The following CCDC91 variants were observed in gnomAD, a reference collection of about 807,000 sequenced individuals.
CCDC91 encodes coiled-coil domain-containing protein 91.
In CCDC91, 48 loss-of-function variants were observed where a neutral mutation model predicts 63.2. That is an observed-to-expected ratio of 0.76 (90% CI 0.60 to 0.97). The LOEUF is 0.97. Ranked by LOEUF, CCDC91 falls within the 50% of genes least tolerant of loss-of-function variation. The probability of loss-of-function intolerance (pLI) is 0.00; values close to 1 mark genes in which losing one functional copy is unlikely to be tolerated. For synonymous variants in CCDC91, 167 were observed against 165.8 expected (o/e 1.01, Z -0.06); for missense variants, 500 against 494.6 (o/e 1.01, Z -0.10).
chr12:28,197,574 G>A (rs906618160), intron 1 of CCDC91, among the ~76,000 whole-genome samples: 1 of 152,096 alleles, frequency 6.6e-6, no homozygotes, highest in Admixed American at 6.5e-5. Flanking sequence ...ACCTAAGGTT[G>A]TATTAATAGT....
At chr12:28,504,553 A>G (rs552382842) in intron 12 of CCDC91, among the ~76,000 whole-genome samples, 13 of 152,038 alleles carry the variant, frequency 8.6e-5, no homozygotes, top group South Asian at 6.2e-4. Context: ...ATATATATTC[A>G]GAATCTGATA....
At chr12:28,195,448 C>CT (rs35828277) in intron 1 of CCDC91, among the ~76,000 whole-genome samples, 39,581 of 151,958 alleles carry the variant, frequency 0.26, 5,404 homozygotes, top group Non-Finnish European at 0.31. Context: ...TCATTACTAT[C>CT]TTTTCTTCAT....
chr12:28,376,107 G>C (rs993206976), intron 7 of CCDC91, among the ~76,000 whole-genome samples: 5 of 151,638 alleles, frequency 3.3e-5, no homozygotes, highest in Admixed American at 3.3e-4. Flanking sequence ...GACATTTGTC[G>C]AGTTTTTCTT....
intron 8 of CCDC91, among the ~76,000 whole-genome samples, chr12:28,438,709 A>G (rs1476899805): frequency 6.6e-6 from 1 of 152,048 alleles, no homozygotes; most frequent in African/African-American, 2.4e-5. Flanking sequence ...GTATGCATTC[A>G]GTAGAAACCA....
At chr12:28,358,777 T>C (rs1456944873) in intron 6 of CCDC91, among the ~76,000 whole-genome samples, 1 of 152,198 alleles carries the variant, frequency 6.6e-6, no homozygotes, top group Non-Finnish European at 1.5e-5. Context: ...TAAGATAATT[T>C]TTGAGCATGA....
At chr12:28,350,435 A>G (rs1257966901) in intron 6 of CCDC91, among the ~76,000 whole-genome samples, 3 of 152,230 alleles carry the variant, frequency 2.0e-5, no homozygotes. Flanking sequence ...AGGCCATGTC[A>G]TAATCAGGAG....
intron 8 of CCDC91, among the ~76,000 whole-genome samples, chr12:28,431,290 T>C (rs1260639600): frequency 6.6e-6 from 1 of 152,144 alleles, no homozygotes; most frequent in Non-Finnish European, 1.5e-5. Flanking sequence ...TGATTTTCCA[T>C]TGCTTGATCC....
intron 6 of CCDC91, among the ~76,000 whole-genome samples, chr12:28,348,149 C>T (rs568767121): frequency 3.9e-4 from 59 of 152,328 alleles, no homozygotes; most frequent in African/African-American, 1.4e-3. Context: ...CAAATTCATA[C>T]AGTATCTTCT....
At chr12:28,436,327 T>C (rs1203248841) in intron 8 of CCDC91, among the ~76,000 whole-genome samples, 1 of 151,798 alleles carries the variant, frequency 6.6e-6, no homozygotes, top group Non-Finnish European at 1.5e-5. Context: ...TAATCCAATT[T>C]AACTTTCAGA....
chr12:28,289,209 T>A lies in CCDC91; in HGVS notation c.110-16440T>A, dbSNP rs528019666. 2.0e-5 allele frequency among the ~76,000 whole-genome samples: 3 copies of A among 152,242 alleles called. No individual in the cohort carries two copies. In the South Asian group the frequency reaches 6.2e-4, roughly 32 times the overall value. ...GTTCAGCTCTGAGTTTGGTTATTTC[T>A]TGTCTTCTGCTAGCTTGGGGGTGGT... is the stretch of plus-strand genomic sequence containing the variant. On this transcript the variant is annotated intron_variant, in intron 3 of 12. Coordinates refer to ENST00000536442, the MANE Select transcript of CCDC91 (RefSeq NM_018318.5).
At chr12:28,223,472 G>A (rs145606758) in intron 1 of CCDC91, among the ~76,000 whole-genome samples, 153 of 152,174 alleles carry the variant, frequency 1.0e-3, no homozygotes, top group Non-Finnish European at 1.3e-3. Context: ...CTCTATACCT[G>A]TTCAGTGTAC....
At chr12:28,426,622 A>G (rs1288154678) in intron 8 of CCDC91, among the ~76,000 whole-genome samples, 7 of 152,114 alleles carry the variant, frequency 4.6e-5, no homozygotes, top group Non-Finnish European at 1.0e-4. Flanking sequence ...CATCAAAGGC[A>G]TTCTTCTTTT....
At chr12:28,209,299 G>A (rs1943070357) in intron 1 of CCDC91, among the ~76,000 whole-genome samples, 1 of 152,116 alleles carries the variant, frequency 6.6e-6, no homozygotes, top group African/African-American at 2.4e-5. Flanking sequence ...TGAAAGAGAA[G>A]GTTAGTGCTT....
intron 8 of CCDC91, among the ~76,000 whole-genome samples, chr12:28,414,653 T>C (rs1230337757): frequency 6.6e-6 from 1 of 152,208 alleles, no homozygotes; most frequent in African/African-American, 2.4e-5. Context: ...TGAGTATCAG[T>C]CATTACATTT....
At chr12:28,368,058 A>AGTTTTTC (rs1944387611) in intron 7 of CCDC91, among the ~76,000 whole-genome samples, 1 of 152,162 alleles carries the variant, frequency 6.6e-6, no homozygotes, top group Non-Finnish European at 1.5e-5. Flanking sequence ...CCTTAGAGGA[A>AGTTTTTC]GTTTTTCTGT....
At chr12:28,218,541 A>G (rs1358057553) in intron 1 of CCDC91, among the ~76,000 whole-genome samples, 5 of 152,068 alleles carry the variant, frequency 3.3e-5, no homozygotes, top group Non-Finnish European at 7.4e-5. Context: ...CCACTACCAT[A>G]TTATATGGAA....
chr12:28,242,169 G>A (rs1945389930), intron 1 of CCDC91, among the ~76,000 whole-genome samples: 1 of 152,048 alleles, frequency 6.6e-6, no homozygotes, highest in Admixed American at 6.6e-5. Context: ...TGCCCTGAGG[G>A]GGTGCCAGGG....
intron 6 of CCDC91, among the ~76,000 whole-genome samples, chr12:28,354,466 C>T (rs1356683273): frequency 6.6e-6 from 1 of 152,110 alleles, no homozygotes; most frequent in Non-Finnish European, 1.5e-5. Flanking sequence ...AATAAGGTTA[C>T]ATGCGCGGCT....
chr12:28,231,317 T>G (rs1387391006), intron 1 of CCDC91, among the ~76,000 whole-genome samples: 1 of 152,214 alleles, frequency 6.6e-6, no homozygotes, highest in Non-Finnish European at 1.5e-5. Context: ...TGGGGCCAAA[T>G]AATATAAAGT....
Sources: allele counts gnomAD v4.1 joint callset (sites outside exome capture counted in the v4.1 genomes callset), GRCh38; gene constraint gnomAD v4.1.1; transcripts MANE v1.5; gene names NCBI Gene and HGNC (gene_info 2026-07-23, HGNC 2026-07-21).